CDH20: variants seen among roughly 807,000 people sequenced by gnomAD.
CDH20 encodes cadherin-20.
A neutral mutation model predicts 74.2 loss-of-function variants in CDH20; 29 were observed. The ratio of observed to expected loss-of-function variants is 0.39; its 90% CI spans 0.29 to 0.53. CDH20 has a LOEUF of 0.53. Ranked by LOEUF, CDH20 falls within the 20% of genes least tolerant of loss-of-function variation. The pLI, the probability that CDH20 is intolerant of heterozygous loss-of-function variation, is 0.69. For synonymous variants in CDH20, 469 were observed against 405.4 expected (o/e 1.16, Z -1.88); for missense variants, 988 against 1,048.3 (o/e 0.94, Z 0.79).
At chr18:61,536,159 T>C (rs1411336827) in intron 7 of CDH20, among the ~76,000 whole-genome samples, 1 of 152,188 alleles carries the variant, frequency 6.6e-6, no homozygotes, top group Non-Finnish European at 1.5e-5. Flanking sequence ...TATACAGGAC[T>C]CGATACTCAG....
chr18:61,450,387 T>TA (rs67988465), intron 1 of CDH20, among the ~76,000 whole-genome samples: 43 of 131,096 alleles, frequency 3.3e-4, no homozygotes, highest in East Asian at 2.2e-3. Flanking sequence ...CAAACCCCTT[T>TA]AAAAAAAAAA....
chr18:61,532,713 A>C (rs1338551991), intron 7 of CDH20, among the ~76,000 whole-genome samples: 2 of 152,144 alleles, frequency 1.3e-5, no homozygotes, highest in Non-Finnish European at 2.9e-5. Flanking sequence ...ACTAAGCTAC[A>C]TCTGAAAAAC....
At position 61,555,757 on chromosome 18, in the gene CDH20, A is replaced by G. The variant is rs1300043557; in HGVS notation, c.*1062A>G. The G allele has an allele frequency of 1.0e-5, 10 of 956,658 alleles. No individual in the cohort carries two copies. Among genetic ancestry groups the G allele is most frequent in the South Asian group, 4.8e-5 (1 of 20,684 alleles). The allele number at this position is 956,658 out of a possible 1,614,324, so 59.3% of individuals were successfully genotyped here. A position where few individuals can be genotyped will look rare whatever the true frequency, so the allele number is the denominator to read the frequency against. On this transcript the variant is annotated 3_prime_UTR_variant, in exon 12 of 12. Transcript: ENST00000262717. Reference sequence around the variant, plus strand: ...TCTCAGTACCTTAGCACTTCTTTTAATAAAAGTTAAATAGAAGGAAAAGTC... The same window carrying G: ...TCTCAGTACCTTAGCACTTCTTTTAGTAAAAGTTAAATAGAAGGAAAAGTC...
chr18:61,425,571 G>A (rs147141296), intron 1 of CDH20, among the ~76,000 whole-genome samples: 1 of 152,284 alleles, frequency 6.6e-6, no homozygotes, highest in East Asian at 1.9e-4. Context: ...GGATGGAGTT[G>A]GAGGCCATTA....
chr18:61,554,682 C>T lies in CDH20; in HGVS notation c.2393C>T (p.Ala798Val). ...CTCTACGGGGCGTCGGAGGGACCCGCGCCGCTGTGGTGACGGAAGCCAGGA... is the reference window on the plus strand; with the variant it reads ...CTCTACGGGGCGTCGGAGGGACCCGTGCCGCTGTGGTGACGGAAGCCAGGA... Reference protein sequence around the residue: ...AELYGASEGPAPLW With the variant: ...AELYGASEGPVPLW The change falls in exon 12 of 12, where the codon GCG becomes GTG. Residue 798 changes from alanine to valine, a missense_variant. By Grantham distance (64) the Ala-to-Val change is moderately conservative. This residue lies in a region of CDH20 where 375 missense variants were observed against 293.1 expected (regional missense o/e 1.28). Transcript: ENST00000262717. The T allele has an allele frequency of 1.9e-6, 3 of 1,571,062 alleles. No individual in the cohort carries two copies. The highest frequency in any genetic ancestry group is 2.6e-6 in the Non-Finnish European group (3 of 1,157,502).
At chr18:61,504,765 T>C (rs1021438438) in intron 5 of CDH20, among the ~76,000 whole-genome samples, 1 of 152,018 alleles carries the variant, frequency 6.6e-6, no homozygotes, top group Non-Finnish European at 1.5e-5. Context: ...AGATGAATAG[T>C]TGCATTTTGA....
At chr18:61,345,269 A>T (rs1316177774) in intron 1 of CDH20, among the ~76,000 whole-genome samples, 4 of 152,334 alleles carry the variant, frequency 2.6e-5, no homozygotes, top group South Asian at 2.1e-4. Flanking sequence ...CTTGCAAAGT[A>T]TCAAGATGGT....
In CDH20 at chr18:61,421,349, C is replaced by A. The variant is rs574421266; in HGVS notation, c.-152-69053C>A. Among the ~76,000 whole-genome samples the A allele has an allele frequency of 2.3e-3, 356 of 152,238 alleles. 5 individuals carry two copies. The highest frequency in any genetic ancestry group is 8.4e-3 in the African/African-American group (348 of 41,540). On this transcript the variant is annotated intron_variant, in intron 1 of 11. Coordinates refer to ENST00000262717, the MANE Select transcript of CDH20 (RefSeq NM_031891.4). ...AAGATAAATTTCACTTAATGAAATT[C>A]ATAATATTCTCTCTTATTATCTTTT...
intron 7 of CDH20, among the ~76,000 whole-genome samples, chr18:61,530,923 C>T (rs556646458): frequency 1.3e-5 from 2 of 152,232 alleles, no homozygotes; most frequent in East Asian, 1.9e-4. Flanking sequence ...GCAGGGAGTC[C>T]GGAAAGCACC....
chr18:61,417,146 T>C (rs1282401166), intron 1 of CDH20, among the ~76,000 whole-genome samples: 1 of 152,138 alleles, frequency 6.6e-6, no homozygotes, highest in African/African-American at 2.4e-5. Flanking sequence ...TGACCAGTGG[T>C]ATGGAGCTTG....
At chr18:61,346,060 T>C (rs1910106784) in intron 1 of CDH20, among the ~76,000 whole-genome samples, 1 of 152,218 alleles carries the variant, frequency 6.6e-6, no homozygotes, top group African/African-American at 2.4e-5. Context: ...TCTACCCTTA[T>C]GTCTAATTCT....
intron 1 of CDH20, among the ~76,000 whole-genome samples, chr18:61,384,715 C>T (rs555513826): frequency 2.0e-5 from 3 of 152,106 alleles, no homozygotes; most frequent in African/African-American, 7.2e-5. Context: ...TAACATCCAG[C>T]TTAAGGATTA....
intron 1 of CDH20, among the ~76,000 whole-genome samples, chr18:61,342,702 C>T (rs1042355686): frequency 2.6e-5 from 4 of 152,192 alleles, no homozygotes; most frequent in Admixed American, 2.0e-4. Flanking sequence ...TTGAGAACCA[C>T]TGCCATAGTA....
intron 6 of CDH20, among the ~76,000 whole-genome samples, chr18:61,521,850 A>C (rs1472849775): frequency 9.2e-5 from 14 of 152,264 alleles, no homozygotes; most frequent in Admixed American, 9.2e-4. Context: ...AGTGCAGAAA[A>C]GCCCTTCAAT....
chr18:61,396,011 G>A (rs1911958084), intron 1 of CDH20, among the ~76,000 whole-genome samples: 1 of 150,124 alleles, frequency 6.7e-6, no homozygotes, highest in African/African-American at 2.5e-5. Context: ...TCTCTCTCCA[G>A]GCATAGTATC....
rs111881559 is a variant in CDH20 at position 61,505,213 on chromosome 18, C to G, written c.829+2093C>G. 4.6e-3 allele frequency among the ~76,000 whole-genome samples: 703 copies of G among 152,196 alleles called. 5 individuals carry two copies. The highest frequency in any genetic ancestry group is 0.016 in the African/African-American group (653 of 41,522). On this transcript the variant is annotated intron_variant, in intron 5 of 11. Coordinates refer to ENST00000262717, the MANE Select transcript of CDH20 (RefSeq NM_031891.4). ...ACATAGCTCAGGTTATTACATAGCT[C>G]AAAGGTAGATGGATTCGGACATATT... is the stretch of plus-strand genomic sequence containing the variant.
At chr18:61,371,488 T>C (rs1291177248) in intron 1 of CDH20, among the ~76,000 whole-genome samples, 2 of 152,056 alleles carry the variant, frequency 1.3e-5, no homozygotes, top group Admixed American at 1.3e-4. Context: ...CACACATATT[T>C]TGGAATCCAT....
At chr18:61,506,108 A>G (rs577484285) in intron 5 of CDH20, among the ~76,000 whole-genome samples, 1 of 152,374 alleles carries the variant, frequency 6.6e-6, no homozygotes, top group African/African-American at 2.4e-5. Flanking sequence ...TGAAACATCA[A>G]GATCTCAAGC....
At chr18:61,419,444 T>C (rs775258653) in intron 1 of CDH20, among the ~76,000 whole-genome samples, 2 of 152,166 alleles carry the variant, frequency 1.3e-5, no homozygotes, top group Non-Finnish European at 1.5e-5. Flanking sequence ...TGTACAAAAG[T>C]TTTCAAAATT....
Sources: allele counts gnomAD v4.1 joint callset (sites outside exome capture counted in the v4.1 genomes callset), GRCh38; gene constraint gnomAD v4.1.1; regional missense constraint gnomAD v4.1.1; transcripts MANE v1.5; gene names NCBI Gene and HGNC (gene_info 2026-07-23, HGNC 2026-07-21).